The following UBE2H variants were observed in gnomAD, a reference collection of about 807,000 sequenced individuals.
UBE2H encodes the protein ubiquitin conjugating enzyme E2 H.
A neutral mutation model predicts 29.0 loss-of-function variants in UBE2H; 3 were observed. The ratio of observed to expected loss-of-function variants is 0.10; its 90% CI spans 0.05 to 0.27. The LOEUF (loss-of-function observed/expected upper bound fraction) is 0.27, where lower values mean the gene tolerates loss of function less well. Ranked by LOEUF, UBE2H falls within the 10% of genes least tolerant of loss-of-function variation. UBE2H has a pLI of 1.00. For synonymous variants in UBE2H, 69 were observed against 82.9 expected, an observed-to-expected ratio of 0.83 and a Z score of 0.91; for missense variants, 68 against 228.2, an observed-to-expected ratio of 0.30 and a Z score of 4.52.
intron 5 of UBE2H, chr7:129,839,673 G>C: frequency 3.8e-6 from 1 of 262,096 alleles, no homozygotes; most frequent in Non-Finnish European, 7.3e-6. Context: ...CAGATGCTGG[G>C]TCTTAAAAGA....
At chr7:129,839,400 C>CA in intron 5 of UBE2H, 65 bp from the exon 6 acceptor site, 1 of 1,603,066 alleles carries the variant, frequency 6.2e-7, no homozygotes, top group South Asian at 1.1e-5. Flanking sequence ...CACTTGCATT[C>CA]AGTAGTCAAG....
At chr7:129,917,993 T>A (rs1373510823) in intron 1 of UBE2H, among the ~76,000 whole-genome samples, 2 of 152,208 alleles carry the variant, frequency 1.3e-5, no homozygotes, top group Non-Finnish European at 2.9e-5. Context: ...ATGCTATGGT[T>A]CACATCTATT....
At chr7:129,914,214 C>T (rs889765090) in intron 1 of UBE2H, among the ~76,000 whole-genome samples, 2 of 151,926 alleles carry the variant, frequency 1.3e-5, no homozygotes, top group African/African-American at 4.8e-5. Flanking sequence ...GTTGCCCAGG[C>T]TGGAGTGCAG....
At chr7:129,890,356 T>TAC (rs1806457974) in intron 1 of UBE2H, among the ~76,000 whole-genome samples, 1 of 151,822 alleles carries the variant, frequency 6.6e-6, no homozygotes, top group South Asian at 2.1e-4. Flanking sequence ...TATGTATATA[T>TAC]ACACATATAT....
intron 6 of UBE2H, among the ~76,000 whole-genome samples, chr7:129,835,924 T>C (rs1805316547): frequency 6.6e-6 from 1 of 152,180 alleles, no homozygotes; most frequent in African/African-American, 2.4e-5. Context: ...AATGGCCAAA[T>C]GGGCCTACCA....
chr7:129,854,060 G>GGTTTTTTTTTTTTTTTTTTTTT lies in UBE2H; in HGVS notation c.298+3450_298+3451insAAAAAAAAAAAAAAAAAAAAAC, dbSNP rs1554430936. Among the ~76,000 whole-genome samples, 157 of 100,020 alleles carry GGTTTTTTTTTTTTTTTTTTTTT rather than the reference G, an allele frequency of 1.6e-3. 1 individual carries two copies. The highest frequency in any genetic ancestry group is 2.4e-3 in the Non-Finnish European group (119 of 50,404). The allele number at this position is 100,020 out of a possible 152,430, so 65.6% of individuals were successfully genotyped here. A position where few individuals can be genotyped will look rare whatever the true frequency, so the allele number is the denominator to read the frequency against. ...TTCTCCTATTAGTTATTTAGTGTTA[G>GGTTTTTTTTTTTTTTTTTTTTT]TTTTTTTTTTTTTTTTTTTTTTGGC... is the stretch of plus-strand genomic sequence containing the variant. On this transcript the variant is annotated intron_variant, in intron 5 of 6. Coordinates refer to ENST00000355621, the MANE Select transcript of UBE2H (RefSeq NM_003344.4).
chr7:129,853,811 A>C (rs1187429321), intron 5 of UBE2H, among the ~76,000 whole-genome samples: 1 of 152,224 alleles, frequency 6.6e-6, no homozygotes, highest in Non-Finnish European at 1.5e-5. Flanking sequence ...TCAGGCTATG[A>C]TTAACATACA....
chr7:129,880,482 G>A (rs529770998), intron 2 of UBE2H, among the ~76,000 whole-genome samples: 1 of 152,158 alleles, frequency 6.6e-6, no homozygotes, highest in Non-Finnish European at 1.5e-5. Context: ...CTCCAGCCTG[G>A]GTGACAGAGT....
rs983808602 is a variant in UBE2H at position 129,851,832 on chromosome 7, C to G, written c.298+5679G>C. Among the ~76,000 whole-genome samples the G allele has an allele frequency of 9.2e-5, 14 of 152,148 alleles. 1 individual carries two copies. Among genetic ancestry groups the G allele is most frequent in the Admixed American group, 3.3e-4 (5 of 15,276 alleles). The stretch of plus-strand genomic sequence containing the variant: ...TATATAACTAGTTAGACTCCTGAGC[C>G]ACATACACCTCATCTGAAGATTTCC... On this transcript the variant is annotated intron_variant, in intron 5 of 6. Coordinates refer to ENST00000355621, the MANE Select transcript of UBE2H (RefSeq NM_003344.4).
At chr7:129,872,845 C>T (rs1312471656) in intron 3 of UBE2H, among the ~76,000 whole-genome samples, 7 of 71,992 alleles carry the variant, frequency 9.7e-5, no homozygotes, top group African/African-American at 3.7e-4. Flanking sequence ...CACTCCGTCT[C>T]AAAAAAAAAA....
intron 1 of UBE2H, among the ~76,000 whole-genome samples, chr7:129,899,716 GAAAA>G (rs1324630998): frequency 6.6e-6 from 1 of 151,960 alleles, no homozygotes; most frequent in Non-Finnish European, 1.5e-5. Context: ...AACCTGATCA[GAAAA>G]AAACAAAAAC....
At chr7:129,885,472 G>T (rs1007862484) in intron 1 of UBE2H, among the ~76,000 whole-genome samples, 6 of 152,066 alleles carry the variant, frequency 3.9e-5, no homozygotes, top group Non-Finnish European at 7.4e-5. Flanking sequence ...CCTTTACCTG[G>T]ATGCGATAAA....
intron 3 of UBE2H, among the ~76,000 whole-genome samples, chr7:129,874,740 G>A (rs998745862): frequency 6.6e-6 from 1 of 152,070 alleles, no homozygotes; most frequent in Non-Finnish European, 1.5e-5. Flanking sequence ...ATGCAACAAC[G>A]GAAGGGGGAA....
chr7:129,922,096 G>A (rs1807175375), intron 1 of UBE2H, among the ~76,000 whole-genome samples: 2 of 151,674 alleles, frequency 1.3e-5, no homozygotes, highest in Admixed American at 1.3e-4. Flanking sequence ...CAATTCTCCT[G>A]CCTCAGCCTC....
chr7:129,857,471 G>A (rs1401818079), intron 5 of UBE2H, 40 bp downstream of exon 5: 4 of 1,586,438 alleles, frequency 2.5e-6, no homozygotes, highest in Non-Finnish European at 2.6e-6. Context: ...TTTAGGCAAT[G>A]TCTCAACATC....
chr7:129,860,905 A>G (rs1343400207), intron 3 of UBE2H, among the ~76,000 whole-genome samples: 1 of 152,146 alleles, frequency 6.6e-6, no homozygotes, highest in African/African-American at 2.4e-5. Context: ...AAAAGGGAAC[A>G]GAAGAGGAAA....
intron 1 of UBE2H, among the ~76,000 whole-genome samples, chr7:129,914,512 C>A (rs577065506): frequency 7.2e-5 from 11 of 152,222 alleles, no homozygotes; most frequent in Non-Finnish European, 8.8e-5. Context: ...CAGAGGGAAG[C>A]CGACACAAGA....
intron 2 of UBE2H, among the ~76,000 whole-genome samples, chr7:129,880,008 C>T (rs1806222894): frequency 6.6e-6 from 1 of 152,026 alleles, no homozygotes; most frequent in Non-Finnish European, 1.5e-5. Flanking sequence ...TCCTGGAAAC[C>T]ATTCACGTGG....
chr7:129,869,752 A>G (rs1805990255), intron 3 of UBE2H, among the ~76,000 whole-genome samples: 1 of 152,216 alleles, frequency 6.6e-6, no homozygotes, highest in South Asian at 2.1e-4. Flanking sequence ...GGGTGGTGGT[A>G]GCAAAACAGA....
Sources: gnomAD v4.1 joint callset for allele counts (sites outside exome capture counted in the v4.1 genomes callset) on GRCh38, gnomAD v4.1.1 for gene constraint, MANE v1.5 for transcripts, NCBI Gene and HGNC (gene_info 2026-07-23, HGNC 2026-07-21) for gene names.